The following ABRAXAS2 variants were observed in gnomAD, a reference collection of about 807,000 sequenced individuals.
The protein encoded by ABRAXAS2 is abraxas 2, BRISC complex subunit.
In ABRAXAS2, 23 loss-of-function variants were observed where a neutral mutation model predicts 49.0. That is an observed-to-expected ratio of 0.47 (90% CI 0.34 to 0.66). The LOEUF is 0.66. Among genes scored for constraint, ABRAXAS2 ranks in the 30% least tolerant of loss-of-function variants. The pLI is 0.01. For synonymous variants in ABRAXAS2, 168 were observed against 180.2 expected, an observed-to-expected ratio of 0.93 and a Z score of 0.54; for missense variants, 443 against 511.9, an observed-to-expected ratio of 0.87 and a Z score of 1.30.
chr10:124,815,584 G>A (rs150776930), intron 2 of ABRAXAS2, among the ~76,000 whole-genome samples: 1 of 152,328 alleles, frequency 6.6e-6, no homozygotes, highest in African/African-American at 2.4e-5. Flanking sequence ...CTCTCTAGGA[G>A]AATGTGATTA....
chr10:124,828,425 C>T (rs1165262749), intron 5 of ABRAXAS2, among the ~76,000 whole-genome samples: 2 of 152,132 alleles, frequency 1.3e-5, no homozygotes, highest in Non-Finnish European at 2.9e-5. Flanking sequence ...AGTGCAGTGG[C>T]ACAATCTTGG....
chr10:124,817,909 T>C (rs1950835659), intron 3 of ABRAXAS2, among the ~76,000 whole-genome samples: 1 of 152,124 alleles, frequency 6.6e-6, no homozygotes, highest in Admixed American at 6.6e-5. Context: ...AGCAGTTCGT[T>C]TGAGGGGAAT....
intron 7 of ABRAXAS2, 146 bp from the exon 8 acceptor site, chr10:124,831,203 C>G: frequency 6.5e-6 from 4 of 614,514 alleles, no homozygotes; most frequent in Non-Finnish European, 8.7e-6. Flanking sequence ...GTCTTTTGGG[C>G]TTTCATGATT....
chr10:124,826,300 A>G lies in ABRAXAS2; in HGVS notation c.268-295A>G, dbSNP rs192724322. On this transcript the variant is annotated intron_variant, in intron 4 of 8. Transcript: ENST00000298492. ...TAGTTTTCATTTTCTAGAATTTTGTACAAATAGAATCCTATAACCTATACT... is the reference window on the plus strand; with the variant it reads ...TAGTTTTCATTTTCTAGAATTTTGTGCAAATAGAATCCTATAACCTATACT... Among the ~76,000 whole-genome samples, 541 of 152,280 alleles carry G rather than the reference A, an allele frequency of 3.6e-3. 5 individuals carry two copies. The highest frequency in any genetic ancestry group is 6.0e-3 in the Admixed American group (92 of 15,290).
At chr10:124,812,554 G>A (rs921270395) in intron 2 of ABRAXAS2, among the ~76,000 whole-genome samples, 9 of 151,926 alleles carry the variant, frequency 5.9e-5, no homozygotes, top group African/African-American at 2.2e-4. Context: ...GTGGTGGGAG[G>A]ATCACTTGAG....
intron 1 of ABRAXAS2, among the ~76,000 whole-genome samples, chr10:124,806,524 T>G (rs1397389678): frequency 6.6e-6 from 1 of 152,228 alleles, no homozygotes; most frequent in Non-Finnish European, 1.5e-5. Flanking sequence ...TTCTACTTCT[T>G]GAGTTTTTTG....
At chr10:124,831,840 GTCTTTT>G (rs1950934894) in intron 8 of ABRAXAS2, among the ~76,000 whole-genome samples, 2 of 106,208 alleles carry the variant, frequency 1.9e-5, no homozygotes. Flanking sequence ...ACTGTGTCCT[GTCTTTT>G]TTTTTTTTTT....
At chr10:124,831,118 C>T (rs147513882) in intron 7 of ABRAXAS2, among the ~76,000 whole-genome samples, 388 of 152,146 alleles carry the variant, frequency 2.6e-3, no homozygotes, top group South Asian at 0.01. Flanking sequence ...CTTACCCTTA[C>T]TGGTCAAGAA....
intron 8 of ABRAXAS2, among the ~76,000 whole-genome samples, chr10:124,832,587 G>A (rs868545374): frequency 2.3e-4 from 35 of 152,202 alleles, no homozygotes; most frequent in African/African-American, 6.3e-4. Context: ...GCTCACGCCT[G>A]TAATCCTAGC....
intron 5 of ABRAXAS2, among the ~76,000 whole-genome samples, chr10:124,827,262 C>T (rs992977500): frequency 4.0e-5 from 6 of 150,016 alleles, no homozygotes; most frequent in Admixed American, 2.7e-4. Context: ...CAGGTTCAAG[C>T]GATTCTCTTG....
intron 3 of ABRAXAS2, among the ~76,000 whole-genome samples, chr10:124,818,920 CA>C (rs1950842974): frequency 6.6e-6 from 1 of 152,106 alleles, no homozygotes; most frequent in African/African-American, 2.4e-5. Context: ...ATTGTTGGGT[CA>C]AACTAATACC....
chr10:124,811,939 C>A (rs921664440), intron 2 of ABRAXAS2, among the ~76,000 whole-genome samples: 1 of 151,950 alleles, frequency 6.6e-6, no homozygotes, highest in African/African-American at 2.4e-5. Context: ...CACCATGACC[C>A]GCTAATTTTG....
At chr10:124,834,475 G>A in intron 8 of ABRAXAS2, 27 bp from the exon 9 acceptor site, 2 of 1,581,140 alleles carry the variant, frequency 1.3e-6, no homozygotes, top group Non-Finnish European at 8.6e-7. Context: ...TCTAGAAAGT[G>A]TTAGAATATT....
chr10:124,818,624 C>G (rs1022847058), intron 3 of ABRAXAS2, among the ~76,000 whole-genome samples: 2 of 152,058 alleles, frequency 1.3e-5, no homozygotes, highest in Non-Finnish European at 2.9e-5. Flanking sequence ...ATCTTGAACT[C>G]CTTTCTGGCT....
intron 2 of ABRAXAS2, among the ~76,000 whole-genome samples, chr10:124,815,842 T>C (rs1233133334): frequency 6.6e-6 from 1 of 151,006 alleles, no homozygotes; most frequent in Non-Finnish European, 1.5e-5. Flanking sequence ...TGGTTATTAA[T>C]GGTAGGGTGA....
At chr10:124,826,208 G>A (rs1035535234) in intron 4 of ABRAXAS2, among the ~76,000 whole-genome samples, 2 of 152,166 alleles carry the variant, frequency 1.3e-5, no homozygotes, top group East Asian at 3.9e-4. Flanking sequence ...AAGCTTCCTC[G>A]TGCCTTTCCA....
At chr10:124,817,143 T>C (rs1185470885) in intron 3 of ABRAXAS2, among the ~76,000 whole-genome samples, 1 of 152,096 alleles carries the variant, frequency 6.6e-6, no homozygotes. Flanking sequence ...TAAGAGATGA[T>C]TGAAGTTATG....
chr10:124,811,021 C>A (rs1009898377), intron 2 of ABRAXAS2, among the ~76,000 whole-genome samples: 2 of 148,042 alleles, frequency 1.4e-5, no homozygotes, highest in Non-Finnish European at 3.0e-5. Flanking sequence ...AGATCGAGAC[C>A]ATCCTGGCTA....
At chr10:124,806,764 T>G in intron 1 of ABRAXAS2, 67 bp from the exon 2 acceptor site, 1 of 1,040,014 alleles carries the variant, frequency 9.6e-7, no homozygotes, top group Non-Finnish European at 1.5e-6. Context: ...TGTCCTCAAT[T>G]CCTCTTAATT....
Sources: allele counts gnomAD v4.1 joint callset (sites outside exome capture counted in the v4.1 genomes callset), GRCh38; gene constraint gnomAD v4.1.1; transcripts MANE v1.5; gene names NCBI Gene and HGNC (gene_info 2026-07-23, HGNC 2026-07-21).